ACSF3: variants seen among roughly 807,000 people sequenced by gnomAD.
ACSF3 encodes the protein acyl-CoA synthetase family member 3.
ACSF3 carries 78 observed loss-of-function variants against 53.2 expected under a neutral mutation model. The ratio of observed to expected loss-of-function variants is 1.47; its 90% CI spans 1.22 to 1.77. The LOEUF is 1.77. Among genes scored for constraint, ACSF3 ranks in the 40% most tolerant of loss-of-function variants. The pLI is 0.00. For synonymous variants in ACSF3, 414 were observed against 333.1 expected (o/e 1.24, Z -2.65); for missense variants, 937 against 771.1 (o/e 1.22, Z -2.55).
intron 4 of ACSF3, among the ~76,000 whole-genome samples, chr16:89,107,032 A>G (rs1424629762): frequency 6.6e-6 from 1 of 152,220 alleles, no homozygotes. Flanking sequence ...GGATCGCAGC[A>G]TGGACTCAGG....
At chr16:89,134,743 G>A (rs956838443) in intron 8 of ACSF3, among the ~76,000 whole-genome samples, 2 of 152,134 alleles carry the variant, frequency 1.3e-5, no homozygotes, top group Non-Finnish European at 2.9e-5. Flanking sequence ...TAGCATTTTA[G>A]TGAGCTCGCT....
chr16:89,114,530 C>G, intron 6 of ACSF3, 43 bp downstream of exon 6: 1 of 1,603,892 alleles, frequency 6.2e-7, no homozygotes, highest in South Asian at 1.1e-5. Flanking sequence ...CCACTGTGCT[C>G]TGAGCCCCCC....
intron 4 of ACSF3, among the ~76,000 whole-genome samples, chr16:89,106,665 T>C (rs892126706): frequency 1.3e-5 from 2 of 152,224 alleles, no homozygotes; most frequent in Non-Finnish European, 2.9e-5. Flanking sequence ...AACTCCAAGT[T>C]TCAGGGTTTT....
rs67522353 is a variant in ACSF3, at chr16:89,100,668, C to CCCAGGAGGCTCCCGGGA, written c.-14_-13insCCAGGAGGCTCCCGGGA. The CCCAGGAGGCTCCCGGGA allele has an allele frequency of 2.1e-6, 3 of 1,458,094 alleles. No homozygotes were observed. Among genetic ancestry groups the CCCAGGAGGCTCCCGGGA allele is most frequent in the East Asian group, 2.4e-5 (1 of 41,276 alleles). The allele number at this position is 1,458,094 out of a possible 1,614,324, so 90.3% of individuals were successfully genotyped here. A position where few individuals can be genotyped will look rare whatever the true frequency, so the allele number is the denominator to read the frequency against. On this transcript the variant is annotated 5_prime_UTR_variant, in exon 3 of 11. Coordinates refer to ENST00000614302, the MANE Select transcript of ACSF3 (RefSeq NM_001243279.3). ...GTGCCTTGCCTTTCTCCAGCTCGGC[C>CCCAGGAGGCTCCCGGGA]GCCTGTCAGTGCAATGCTGCCCCAT...
intron 6 of ACSF3, among the ~76,000 whole-genome samples, chr16:89,119,251 C>T (rs951360382): frequency 3.3e-5 from 5 of 152,224 alleles, no homozygotes; most frequent in African/African-American, 1.2e-4. Context: ...CACCTGCGGC[C>T]CCCGCCCCTA....
intron 7 of ACSF3, among the ~76,000 whole-genome samples, 195 bp from the exon 8 acceptor site, chr16:89,132,941 A>G (rs1373044833): frequency 3.3e-5 from 5 of 152,252 alleles, no homozygotes; most frequent in South Asian, 4.1e-4. Flanking sequence ...GACGGCGGGA[A>G]TGCTTAGCTC....
At chr16:89,129,693 AC>A (rs1308176225) in intron 7 of ACSF3, among the ~76,000 whole-genome samples, 3 of 152,332 alleles carry the variant, frequency 2.0e-5, no homozygotes, top group African/African-American at 7.2e-5. Context: ...TTATTGCTCA[AC>A]TTTACTGCCT....
At chr16:89,153,876 C>T (rs1914412930) in intron 10 of ACSF3, 2 of 600,470 alleles carry the variant, frequency 3.3e-6, no homozygotes, top group East Asian at 2.8e-5. Flanking sequence ...CCAGTGATAA[C>T]ACCATGCCGG....
At position 89,145,990 on chromosome 16, in the gene ACSF3, T is replaced by G; in HGVS notation, c.1554T>G (p.Ala518=). ...TGACATGGGGCCAGCGGGTCACTGC[T>G]GTGGTGACCCTCCGAGAAGGACACT... is the stretch of plus-strand genomic sequence containing the variant. ...PDMTWGQRVT[A]VVTLREGHSL... Residue 518 remains alanine (A), a synonymous_variant, in exon 10 of 11, where the codon GCT becomes GCG. Coordinates refer to ENST00000614302, the MANE Select transcript of ACSF3 (RefSeq NM_001243279.3). 1 of 1,584,268 alleles carries G rather than the reference T, an allele frequency of 6.3e-7. No individual in the cohort carries two copies. Among genetic ancestry groups the G allele is most frequent in the Non-Finnish European group, 8.6e-7 (1 of 1,162,374 alleles).
intron 8 of ACSF3, among the ~76,000 whole-genome samples, chr16:89,140,109 C>G (rs1167714016): frequency 6.6e-6 from 1 of 152,244 alleles, no homozygotes; most frequent in African/African-American, 2.4e-5. Flanking sequence ...CTGGATGGCA[C>G]TGGGGTCCAG....
Position 89,101,016 on chromosome 16 carries a change from A to C in ACSF3, c.335A>C (p.Gln112Pro). ...AACGATGCCTCCTACGTCGTGGCCC[A>C]GTGGGCGTCATGGATGAGTGGCGGT... ...CANDASYVVA[Q>P]WASWMSGGVA... Residue 112 changes from glutamine to proline, a missense_variant, in exon 3 of 11, where the codon CAG (glutamine) becomes CCG (proline). Coordinates refer to ENST00000614302, the MANE Select transcript of ACSF3 (RefSeq NM_001243279.3). 8 of 1,613,794 alleles carry C rather than the reference A, an allele frequency of 5.0e-6. No individual in the cohort carries two copies. Among genetic ancestry groups the C allele is most frequent in the Non-Finnish European group, 6.8e-6 (8 of 1,179,822 alleles).
chr16:89,148,806 C>G (rs922661679), intron 10 of ACSF3: 1 of 152,222 alleles, frequency 6.6e-6, no homozygotes, highest in African/African-American at 2.4e-5. Flanking sequence ...CAGTGGCCCA[C>G]AAAACCATTC....
chr16:89,119,345 T>C (rs1287681656), intron 6 of ACSF3, among the ~76,000 whole-genome samples: 25 of 152,114 alleles, frequency 1.6e-4, no homozygotes. Flanking sequence ...CCTGTGATGG[T>C]CCTCTTCTTA....
intron 6 of ACSF3, among the ~76,000 whole-genome samples, 158 bp from the exon 7 acceptor site, chr16:89,120,643 A>G (rs1906401048): frequency 6.6e-6 from 1 of 152,176 alleles, no homozygotes; most frequent in Non-Finnish European, 1.5e-5. Flanking sequence ...TGGTGCCTAC[A>G]CCATCTTCTC....
intron 8 of ACSF3, 133 bp from the exon 9 acceptor site, chr16:89,145,134 G>A: frequency 3.1e-6 from 5 of 1,605,624 alleles, no homozygotes; most frequent in Non-Finnish European, 4.2e-6. Context: ...TTGCCACAGG[G>A]TAGTAACCAG....
chr16:89,097,920 T>C (rs571019099), intron 1 of ACSF3, among the ~76,000 whole-genome samples: 6 of 152,294 alleles, frequency 3.9e-5, no homozygotes, highest in Admixed American at 6.5e-5. Context: ...GTGGCTCGTT[T>C]TCCTCCTGCC....
chr16:89,095,733 C>T (rs1246380452), intron 1 of ACSF3, among the ~76,000 whole-genome samples: 1 of 152,224 alleles, frequency 6.6e-6, no homozygotes, highest in Non-Finnish European at 1.5e-5. Flanking sequence ...ATGGGGAGCA[C>T]CCTGCTGAGC....
At chr16:89,111,326 C>G (rs975552178) in intron 4 of ACSF3, among the ~76,000 whole-genome samples, 25 of 152,252 alleles carry the variant, frequency 1.6e-4, no homozygotes, top group Admixed American at 1.6e-3. Flanking sequence ...GCACTCGTCA[C>G]TGCAGTCCAG....
chr16:89,103,858 G>A (rs1975661741), intron 4 of ACSF3, among the ~76,000 whole-genome samples: 1 of 152,246 alleles, frequency 6.6e-6, no homozygotes, highest in South Asian at 2.1e-4. Context: ...AGAGCGCTGG[G>A]GTGGGAGCAG....
Sources: gnomAD v4.1 joint callset for allele counts (sites outside exome capture counted in the v4.1 genomes callset) on GRCh38, gnomAD v4.1.1 for gene constraint, MANE v1.5 for transcripts, NCBI Gene and HGNC (gene_info 2026-07-23, HGNC 2026-07-21) for gene names.